The following PCDHA2 variants were observed in gnomAD, a reference collection of about 807,000 sequenced individuals.
PCDHA2 encodes protocadherin alpha 2, also known as protocadherin alpha-2.
Under a neutral mutation model 66.0 loss-of-function variants are expected in PCDHA2, and 58 were observed. The ratio of observed to expected loss-of-function variants is 0.88; its 90% CI spans 0.71 to 1.09. The LOEUF (loss-of-function observed/expected upper bound fraction) is 1.09, where lower values mean the gene tolerates loss of function less well. Among genes scored for constraint, PCDHA2 ranks in the 50% least tolerant of loss-of-function variants. PCDHA2 has a pLI of 0.00. For missense variants in PCDHA2, 1,267 were observed against 1,242.3 expected (o/e 1.02, Z -0.30); for synonymous variants, 634 against 554.0 (o/e 1.14, Z -2.03).
At position 140,966,710 on chromosome 5, in the gene PCDHA2, G is replaced by T. The variant is rs552888876; in HGVS notation, c.2389-12239G>T. The T allele has an allele frequency of 2.9e-6, 4 of 1,391,664 alleles. No individual in the cohort carries two copies. In the South Asian group the frequency reaches 6.5e-5, roughly 23 times the overall value. The allele number at this position is 1,391,664 out of a possible 1,614,324, so 86.2% of individuals were successfully genotyped here. A position where few individuals can be genotyped will look rare whatever the true frequency, so the allele number is the denominator to read the frequency against. On this transcript the variant is annotated intron_variant, in intron 1 of 3. Transcript: ENST00000526136. ...AGGCGGGGCCCGGGCGTGGGGCACG[G>T]CTGGGGAAGCTGCCGCCTCCGGCCC...
intron 1 of PCDHA2, among the ~76,000 whole-genome samples, chr5:140,818,769 G>C (rs1766434605): frequency 6.6e-6 from 1 of 152,182 alleles, no homozygotes; most frequent in Non-Finnish European, 1.5e-5. Context: ...GCCTGAGGCT[G>C]CAATGAACTT....
At chr5:140,822,639 A>G (rs1554128778) in intron 1 of PCDHA2, 3 of 1,610,754 alleles carry the variant, frequency 1.9e-6, no homozygotes, top group Admixed American at 1.7e-5. Flanking sequence ...TTGACGATGT[A>G]AAGTCCAAAT....
intron 1 of PCDHA2, among the ~76,000 whole-genome samples, chr5:140,798,951 C>T (rs1392007970): frequency 6.6e-6 from 1 of 152,150 alleles, no homozygotes; most frequent in Non-Finnish European, 1.5e-5. Flanking sequence ...GTGATCTTAC[C>T]TTTAGCCATT....
At chr5:140,821,919 G>A (rs190099815) in intron 1 of PCDHA2, 67 of 1,614,198 alleles carry the variant, frequency 4.2e-5, no homozygotes, top group Non-Finnish European at 5.1e-5. Flanking sequence ...GCCGCATCGC[G>A]CAGGACCTAG....
At chr5:140,881,325 A>G in intron 1 of PCDHA2, 4 of 984,454 alleles carry the variant, frequency 4.1e-6, no homozygotes, top group Non-Finnish European at 4.8e-6. Flanking sequence ...ATTCTATTTA[A>G]CCAGGACGCC....
chr5:140,841,461 G>A, intron 1 of PCDHA2: 2 of 1,612,908 alleles, frequency 1.2e-6, no homozygotes, highest in Non-Finnish European at 1.7e-6. Flanking sequence ...TTCGTGGGCC[G>A]GATCGCGCAG....
intron 1 of PCDHA2, among the ~76,000 whole-genome samples, chr5:140,880,837 A>G (rs2058501881): frequency 1.3e-5 from 2 of 152,230 alleles, no homozygotes; most frequent in African/African-American, 4.8e-5. Flanking sequence ...CATATTTTAA[A>G]TGGTTGACTA....
In PCDHA2 at chr5:140,882,894, G is replaced by A. The variant is rs1554176001; in HGVS notation, c.2388+85542G>A. The A allele has an allele frequency of 5.6e-6, 9 of 1,614,190 alleles. No homozygotes were observed. The East Asian group carries it at 1.3e-4, about 24-fold the overall frequency. The stretch of plus-strand genomic sequence containing the variant: ...GACAGAGAGGAAATTCAGGAACATA[G>A]TTTATTACTGACAGCCAGTGATGGA... On this transcript the variant is annotated intron_variant, in intron 1 of 3. Coordinates refer to ENST00000526136, the MANE Select transcript of PCDHA2 (RefSeq NM_018905.3).
At chr5:140,823,098 T>C (rs1244552333) in intron 1 of PCDHA2, 8 of 1,613,868 alleles carry the variant, frequency 5.0e-6, no homozygotes, top group Middle Eastern at 1.7e-4. Context: ...CCAGCGTGTC[T>C]GTGGAAGTGG....
At chr5:140,920,388 T>C (rs1237249131) in intron 1 of PCDHA2, among the ~76,000 whole-genome samples, 1 of 152,214 alleles carries the variant, frequency 6.6e-6, no homozygotes, top group Non-Finnish European at 1.5e-5. Context: ...CATATTACCA[T>C]CTGGTGTCTT....
Position 140,974,796 on chromosome 5 carries a change from G to T in PCDHA2, c.2389-4153G>T, listed in dbSNP as rs2096640726. On this transcript the variant is annotated intron_variant, in intron 1 of 3. Transcript: ENST00000526136. The stretch of plus-strand genomic sequence containing the variant: ...AGCCACTGCGCCCAGCCCTCATTTT[G>T]ATATACTAGAAGACCAATATGCAAC... Among the ~76,000 whole-genome samples the T allele has an allele frequency of 2.6e-5, 4 of 152,194 alleles. No individual in the cohort carries two copies. In the South Asian group the frequency reaches 8.3e-4, roughly 32 times the overall value.
chr5:140,863,055 G>T (rs570398935), intron 1 of PCDHA2: 9 of 563,522 alleles, frequency 1.6e-5, no homozygotes, highest in African/African-American at 1.3e-4. Context: ...GGCAGCACCC[G>T]TTCCACGTGG....
intron 3 of PCDHA2, among the ~76,000 whole-genome samples, chr5:140,984,877 C>A (rs1178230954): frequency 1.3e-5 from 2 of 151,944 alleles, no homozygotes; most frequent in Non-Finnish European, 2.9e-5. Flanking sequence ...TATTGAGTTA[C>A]CATGAGAACT....
At chr5:140,991,320 A>G (rs1563572656) in intron 3 of PCDHA2, among the ~76,000 whole-genome samples, 1 of 152,216 alleles carries the variant, frequency 6.6e-6, no homozygotes, top group Non-Finnish European at 1.5e-5. Context: ...CGCATGATAC[A>G]TGAAGGGAAT....
intron 1 of PCDHA2, among the ~76,000 whole-genome samples, chr5:140,963,380 G>A (rs1476855902): frequency 6.6e-6 from 1 of 152,198 alleles, no homozygotes; most frequent in Non-Finnish European, 1.5e-5. Context: ...GAGCACCTCT[G>A]TGCCAAGCTC....
intron 1 of PCDHA2, chr5:140,843,740 C>T (rs2150365873): frequency 1.9e-5 from 29 of 1,536,514 alleles, no homozygotes; most frequent in South Asian, 3.4e-5. Context: ...ATTTAGAACT[C>T]ATAAATTCTA....
chr5:140,926,936 G>A, intron 1 of PCDHA2: 1 of 1,580,648 alleles, frequency 6.3e-7, no homozygotes, highest in Non-Finnish European at 8.6e-7. Context: ...TGGGTTTCCT[G>A]CGGCGCTGCA....
At chr5:140,951,276 T>C (rs1554219829) in intron 1 of PCDHA2, among the ~76,000 whole-genome samples, 1 of 152,200 alleles carries the variant, frequency 6.6e-6, no homozygotes, top group African/African-American at 2.4e-5. Context: ...CTATGTTAGG[T>C]AATTTTGGAT....
intron 1 of PCDHA2, chr5:140,876,689 C>T: frequency 1.2e-6 from 2 of 1,614,228 alleles, no homozygotes; most frequent in Middle Eastern, 1.6e-4. Context: ...AATTACTACT[C>T]GTTGGTGCTG....
Sources: gnomAD v4.1 joint callset for allele counts (sites outside exome capture counted in the v4.1 genomes callset) on GRCh38, gnomAD v4.1.1 for gene constraint, MANE v1.5 for transcripts, NCBI Gene and HGNC (gene_info 2026-07-23, HGNC 2026-07-21) for gene names.